TTN: variants seen among roughly 807,000 people sequenced by gnomAD.
TTN encodes titin, also known as connectin.
In TTN, 1,525 loss-of-function variants were observed where a neutral mutation model predicts 3,223.0. That is an observed-to-expected ratio of 0.47 (90% CI 0.45 to 0.49). The LOEUF is 0.49. TTN is among the 20% of genes least tolerant of loss of function. TTN has a pLI of 0.00. For missense variants in TTN, 40,786 were observed against 43,424.0 expected, an observed-to-expected ratio of 0.94 and a Z score of 5.40; for synonymous variants, 14,094 against 15,161.0, an observed-to-expected ratio of 0.93 and a Z score of 5.17.
rs1377159598 is a variant in TTN, at chr2:178,535,020, G to A, written c.101595C>T (p.Ser33865=). Residue 33865 remains serine, a synonymous_variant, in exon 358 of 363, where the codon TCC becomes TCT. Coordinates refer to ENST00000589042, the MANE Select transcript of TTN (RefSeq NM_001267550.2). Reference sequence around the variant, plus strand: ...TTCTATGCCTAGCAATATTCAGAATGGAAATTTCCTTCTTTACCAAAACCT... The same window carrying A: ...TTCTATGCCTAGCAATATTCAGAATAGAAATTTCCTTCTTTACCAAAACCT... ...TDQVLVKKEI[S]ILNIARHRNI... is the part of the protein sequence containing the mutation. 1 of 1,613,766 alleles carries A rather than the reference G, an allele frequency of 6.2e-7. No individual in the cohort carries two copies. Among genetic ancestry groups the A allele is most frequent in the Non-Finnish European group, 8.5e-7 (1 of 1,179,822 alleles).
rs752070307 is a variant in TTN at position 178,585,061 on chromosome 2, A to G, written c.64672+11T>C. ...ATATTTAGATGGCCATTTGTCTAATACTTAACTTACCCATGACTACAACTT... is the reference window on the plus strand; with the variant it reads ...ATATTTAGATGGCCATTTGTCTAATGCTTAACTTACCCATGACTACAACTT... On this transcript the variant is annotated intron_variant, in intron 309 of 362. Coordinates refer to ENST00000589042, the MANE Select transcript of TTN (RefSeq NM_001267550.2). The G allele has an allele frequency of 1.7e-5, 28 of 1,605,596 alleles. No individual in the cohort carries two copies. Among genetic ancestry groups the G allele is most frequent in the Admixed American group, 3.4e-5 (2 of 58,304 alleles).
In TTN at chr2:178,543,937, C is replaced by A. The variant is rs1285541377; in HGVS notation, c.96207G>T (p.Leu32069Phe). The stretch of plus-strand genomic sequence containing the variant: ...ACCGATTAACTTTGTCCACTATTAG[C>A]AATGAGTAGCTCTCAGTGGTGTCAA... ...AIIDTTESYS[L>F]LIVDKVNRYD... Residue 32069 changes from leucine (L) to phenylalanine (F), a missense_variant, in exon 346 of 363, where the codon TTG becomes TTT. By Grantham distance (22) the Leu-to-Phe change is conservative. Transcript: ENST00000589042. 3 of 1,613,596 alleles carry A rather than the reference C, an allele frequency of 1.9e-6. No homozygotes were observed. The highest frequency in any genetic ancestry group is 2.5e-6 in the Non-Finnish European group (3 of 1,179,720).
intron 14 of TTN, 25 bp downstream of exon 14, chr2:178,785,823 G>A (rs745837401): frequency 6.2e-7 from 1 of 1,614,104 alleles, no homozygotes; most frequent in South Asian, 1.1e-5. Flanking sequence ...TGAACAAGGT[G>A]AAAAATCAGC....
Position 178,566,358 on chromosome 2 carries a change from G to A in TTN, c.79774C>T (p.Leu26592Phe), listed in dbSNP as rs398124457. 1 of 1,613,538 alleles carries A rather than the reference G, an allele frequency of 6.2e-7. No individual in the cohort carries two copies. Among genetic ancestry groups the A allele is most frequent in the South Asian group, 1.1e-5 (1 of 91,070 alleles). The change falls in exon 326 of 363, where the codon CTT becomes TTT. Residue 26592 changes from leucine to phenylalanine, a missense_variant. Physicochemically the swap from Leu to Phe is conservative, Grantham distance 22. Coordinates refer to ENST00000589042, the MANE Select transcript of TTN (RefSeq NM_001267550.2). ...TTTCTTAATTCGGAGTCAAGGTCAA[G>A]TTCAGGTGCTTCAAGTTTATCTTCT... ...KPEDKLEAPE[L>F]DLDSELRKGI...
At chr2:178,688,257 C>A (rs2154277377) in intron 126 of TTN, 33 bp from the exon 127 acceptor site, 1 of 1,584,258 alleles carries the variant, frequency 6.3e-7, no homozygotes, top group Non-Finnish European at 8.6e-7. Context: ...TAAATTCAGC[C>A]TGCTGAGATA....
chr2:178,566,168 C>A lies in TTN; in HGVS notation c.79964G>T (p.Arg26655Ile). The A allele has an allele frequency of 6.2e-7, 1 of 1,613,692 alleles. No homozygotes were observed. The highest frequency in any genetic ancestry group is 8.5e-7 in the Non-Finnish European group (1 of 1,179,702). The change falls in exon 326 of 363, where the codon AGA becomes ATA. Residue 26655 changes from arginine (R) to isoleucine (I), a missense_variant. Transcript: ENST00000589042. ...YTQLSIDNCDRNDAGKYILKL... is the reference protein window; with the variant it reads ...YTQLSIDNCDINDAGKYILKL... ...AAGAATGTATTTTCCAGCATCATTT[C>A]TATCACAGTTATCTATTGATAGTTG...
intron 24 of TTN, chr2:178,778,582 C>T (rs995749618): frequency 9.6e-6 from 4 of 416,454 alleles, no homozygotes; most frequent in African/African-American, 6.1e-5. Flanking sequence ...CTTTTTATTG[C>T]AGGGCTGTTG....
chr2:178,637,190 T>TATATATAG, intron 224 of TTN, among the ~76,000 whole-genome samples, 179 bp downstream of exon 224: 1 of 132,108 alleles, frequency 7.6e-6, no homozygotes, highest in East Asian at 2.2e-4. Flanking sequence ...TATATATATA[T>TATATATAG]CTCCTTGCAT....
rs879036307 is a variant in TTN at position 178,664,673 on chromosome 2, A to C, written c.36183T>G (p.Pro12061=). ...ATATACCTTCATCAGGAAGGACTTC[A>C]GGCTTTCTGAGAGGAACCACAAGCG... ...KKTLVVPLRK[P]EVLPDEVPEA... is the part of the protein sequence containing the mutation. Residue 12061 remains proline, a synonymous_variant, in exon 167 of 363, where the codon CCT becomes CCG. Coordinates refer to ENST00000589042, the MANE Select transcript of TTN (RefSeq NM_001267550.2). 23 of 1,612,442 alleles carry C rather than the reference A, an allele frequency of 1.4e-5. No homozygotes were observed. The highest frequency in any genetic ancestry group is 1.6e-4 in the Middle Eastern group (1 of 6,084).
Position 178,799,089 on chromosome 2 carries a change from C to G in TTN, c.914+398G>C, listed in dbSNP as rs139265874. The G allele has an allele frequency of 2.0e-4, 41 of 204,184 alleles. No individual in the cohort carries two copies. In the East Asian group the frequency reaches 4.3e-3, roughly 21 times the overall value. 12.6% of individuals were successfully genotyped at this position (204,184 alleles called of 1,614,324 possible). On this transcript the variant is annotated intron_variant, in intron 6 of 362. Transcript: ENST00000589042. ...CTGCTACATTTTTGAGTGCATGAAA[C>G]TTACACGGGAGGAGGGCAGGGAAGT...
rs370785476 is a variant in TTN, at chr2:178,711,098, C to G, written c.28138G>C (p.Gly9380Arg). The change falls in exon 97 of 363, where the codon GGC becomes CGC. Residue 9380 changes from glycine (G) to arginine (R), a missense_variant. Gly to Arg is a moderately radical substitution (Grantham distance 125). Transcript: ENST00000589042. ...AGCCTGGCACTGGAAGAAGCAGAGC[C>G]TATAGGGTTTGTAGCTGTGCAGGAA... ...QYSCTATNPIGSASSSARLIL... is the reference protein window; with the variant it reads ...QYSCTATNPIRSASSSARLIL... The G allele has an allele frequency of 3.7e-6, 6 of 1,612,250 alleles. No homozygotes were observed. In the African/African-American group the frequency reaches 8.0e-5, roughly 22 times the overall value.
Position 178,730,359 on chromosome 2 carries a change from A to G in TTN, c.18041T>C (p.Phe6014Ser). The G allele has an allele frequency of 6.3e-7, 1 of 1,599,648 alleles. No individual in the cohort carries two copies. The highest frequency in any genetic ancestry group is 8.5e-7 in the Non-Finnish European group (1 of 1,172,602). ...GHLTVKEPPY[F>S]VEKPQSQDVN... ...ATCTTGTGACTGTGGCTTTTCCACA[A>G]AGTAAGGGGGTTCTGAGGTGAAAGA... Residue 6014 changes from phenylalanine (F) to serine (S), a missense_variant, in exon 62 of 363, where the codon TTT (phenylalanine) becomes TCT (serine). By Grantham distance (155) the Phe-to-Ser change is radical. Coordinates refer to ENST00000589042, the MANE Select transcript of TTN (RefSeq NM_001267550.2).
rs2562849 is a variant in TTN at position 178,664,546 on chromosome 2, A to G, written c.36203-9T>C. The G allele has an allele frequency of 0.026, 41,327 of 1,608,246 alleles. 743 individuals are homozygous for G. Among genetic ancestry groups the G allele is most frequent in the East Asian group, 0.092 (4,110 of 44,848 alleles). On this transcript the variant is annotated splice_polypyrimidine_tract_variant and intron_variant, in intron 167 of 362. Transcript: ENST00000589042. ...TCTGAGAGCCTCCGGCACTTTGAAG[A>G]TATTAATAATTTTACATTTAGAAGT...
chr2:178,747,395 G>T, intron 47 of TTN: 2 of 1,613,340 alleles, frequency 1.2e-6, no homozygotes, highest in Non-Finnish European at 1.7e-6. Context: ...TAAGTCAGGG[G>T]ACTTTGGAGA....
At position 178,634,105 on chromosome 2, in the gene TTN, T is replaced by A. The variant is rs778608738; in HGVS notation, c.42416-22A>T. On this transcript the variant is annotated intron_variant, in intron 230 of 362. Transcript: ENST00000589042. This position sits in a 1 kb window ranked among gnomAD's most constrained non-coding sequence, Gnocchi z 4.6. ...ATACCTGAAATGCAAGCATAGATAATGCCTCAGAAACACAATTCACCTTCA... is the reference window on the plus strand; with the variant it reads ...ATACCTGAAATGCAAGCATAGATAAAGCCTCAGAAACACAATTCACCTTCA... The A allele has an allele frequency of 6.2e-7, 1 of 1,610,154 alleles. No homozygotes were observed. The highest frequency in any genetic ancestry group is 8.5e-7 in the Non-Finnish European group (1 of 1,178,982).
chr2:178,609,048 C>T, intron 273 of TTN, 140 bp from the exon 274 acceptor site: 1 of 1,297,324 alleles, frequency 7.7e-7, no homozygotes, highest in Non-Finnish European at 1.0e-6. Flanking sequence ...TAATAAATAA[C>T]AAGATCAGGT....
chr2:178,578,360 G>A (rs530976200), intron 321 of TTN, among the ~76,000 whole-genome samples, 175 bp from the exon 322 acceptor site: 4 of 151,610 alleles, frequency 2.6e-5, no homozygotes, highest in African/African-American at 9.7e-5. Context: ...CTTGGAATAT[G>A]CATAGTTGTT....
chr2:178,782,892 G>A lies in TTN; in HGVS notation c.3014C>T (p.Ala1005Val), dbSNP rs1357635150. The change falls in exon 18 of 363, where the codon GCA (alanine) becomes GTA (valine). Residue 1005 changes from alanine (A) to valine (V), a missense_variant. By Grantham distance (64) the Ala-to-Val change is moderately conservative. Coordinates refer to ENST00000589042, the MANE Select transcript of TTN (RefSeq NM_001267550.2). ...AAATCGCCCGCTGTCTTCCGCAAAT[G>A]CTTCGCGAATCATAAGACGAGCAAT... ...SGIARLMIRE[A>V]FAEDSGRFTC... 2 of 1,614,108 alleles carry A rather than the reference G, an allele frequency of 1.2e-6. No homozygotes were observed. The highest frequency in any genetic ancestry group is 8.5e-7 in the Non-Finnish European group (1 of 1,179,998).
intron 102 of TTN, among the ~76,000 whole-genome samples, 190 bp downstream of exon 102, chr2:178,706,264 C>A (rs2075849307): frequency 6.6e-6 from 1 of 152,190 alleles, no homozygotes; most frequent in South Asian, 2.1e-4. Context: ...CCATATGCTT[C>A]ATCTCTAGAT....
Sources: allele counts gnomAD v4.1 joint callset (sites outside exome capture counted in the v4.1 genomes callset), GRCh38; gene constraint gnomAD v4.1.1; non-coding constraint Gnocchi (gnomAD v3.1); transcripts MANE v1.5; gene names NCBI Gene and HGNC (gene_info 2026-07-23, HGNC 2026-07-21).